Variants in MAP3K4 observed in about 807,000 individuals in gnomAD.
MAP3K4 encodes MAP three kinase 1.
MAP3K4 carries 67 observed loss-of-function variants against 185.6 expected under a neutral mutation model. The ratio of observed to expected loss-of-function variants is 0.36; its 90% confidence interval spans 0.30 to 0.44. The LOEUF is 0.44. MAP3K4 is among the 20% of genes least tolerant of loss of function. The probability of loss-of-function intolerance (pLI) is 1.00; values close to 1 mark genes in which losing one functional copy is unlikely to be tolerated. For missense variants in MAP3K4, 1,551 were observed against 1,995.1 expected (o/e 0.78, Z 4.24); for synonymous variants, 702 against 710.4 (o/e 0.99, Z 0.19).
chr6:161,070,936 T>C lies in MAP3K4; in HGVS notation c.1950+86T>C. On this transcript the variant is annotated intron_variant, in intron 4 of 26. Transcript: ENST00000392142. The surrounding 1 kb of genome is among the most constrained non-coding windows in gnomAD (Gnocchi z 4.5). The stretch of plus-strand genomic sequence containing the variant: ...ATTTTTATTTTGAGAGTTCCTTTTT[T>C]TTTCTTAATTGTCGCAAATAGTGAA... 1 of 1,260,196 alleles carries C rather than the reference T, an allele frequency of 7.9e-7. No individual in the cohort carries two copies. Among genetic ancestry groups the C allele is most frequent in the Non-Finnish European group, 1.1e-6 (1 of 940,242 alleles). 78.1% of individuals were successfully genotyped at this position (1,260,196 alleles called of 1,614,324 possible).
chr6:161,027,255 T>C (rs1782719407), intron 1 of MAP3K4, among the ~76,000 whole-genome samples: 1 of 152,226 alleles, frequency 6.6e-6, no homozygotes, highest in South Asian at 2.1e-4. Context: ...AACTATATAC[T>C]TAACAAGAGT....
At chr6:161,060,124 T>G (rs1356814755) in intron 3 of MAP3K4, among the ~76,000 whole-genome samples, 1 of 152,210 alleles carries the variant, frequency 6.6e-6, no homozygotes, top group Non-Finnish European at 1.5e-5. Flanking sequence ...CCTTAATACA[T>G]TAAGGGCTGA....
intron 1 of MAP3K4, among the ~76,000 whole-genome samples, chr6:161,018,988 G>A (rs1583116243): frequency 6.6e-6 from 1 of 152,196 alleles, no homozygotes; most frequent in East Asian, 1.9e-4. Flanking sequence ...TAGAAACTAT[G>A]CAAAATGCAA....
At position 161,069,997 on chromosome 6, in the gene MAP3K4, C is replaced by T. The variant is rs527872563; in HGVS notation, c.1708-611C>T. On this transcript the variant is annotated intron_variant, in intron 3 of 26. Coordinates refer to ENST00000392142, the MANE Select transcript of MAP3K4 (RefSeq NM_005922.4). ...AAAGAACGGGGGTGGGGGCGGACAA[C>T]GCAACACTAGGGTTCCCGGGAAGCA... Among the ~76,000 whole-genome samples, 3 of 152,216 alleles carry T rather than the reference C, an allele frequency of 2.0e-5. No homozygotes were observed. The South Asian group carries it at 6.2e-4, about 32-fold the overall frequency.
intron 1 of MAP3K4, among the ~76,000 whole-genome samples, chr6:161,019,532 G>A (rs1007379130): frequency 2.6e-5 from 4 of 152,210 alleles, no homozygotes; most frequent in East Asian, 3.9e-4. Flanking sequence ...TCAGTCTCCC[G>A]AGTAGCTGGA....
intron 15 of MAP3K4, among the ~76,000 whole-genome samples, chr6:161,094,428 A>G (rs895183296): frequency 6.6e-6 from 1 of 152,220 alleles, no homozygotes; most frequent in African/African-American, 2.4e-5. Context: ...TACAGTAACA[A>G]TGAATGATTA....
In MAP3K4 at chr6:161,070,061, T is replaced by G. The variant is rs1457509003; in HGVS notation, c.1708-547T>G. 1.3e-5 allele frequency among the ~76,000 whole-genome samples: 2 copies of G among 152,206 alleles called. No homozygotes were observed. The highest frequency in any genetic ancestry group is 4.8e-5 in the African/African-American group (2 of 41,448). On this transcript the variant is annotated intron_variant, in intron 3 of 26. Transcript: ENST00000392142. The surrounding 1 kb of genome is among the most constrained non-coding windows in gnomAD (Gnocchi z 4.5). Reference sequence around the variant, plus strand: ...AACTGAGTCATGCCAACCAGGTTGATCTTAACGATTTTTTAATTTTTCTGT... The same window carrying G: ...AACTGAGTCATGCCAACCAGGTTGAGCTTAACGATTTTTTAATTTTTCTGT...
intron 1 of MAP3K4, among the ~76,000 whole-genome samples, chr6:161,033,535 T>C (rs1241555154): frequency 1.5e-5 from 1 of 65,724 alleles, no homozygotes; most frequent in Non-Finnish European, 2.9e-5. Context: ...TTTTACATCA[T>C]CCTTCTCCCC....
chr6:160,994,581 G>A (rs1348798852), intron 1 of MAP3K4, among the ~76,000 whole-genome samples: 1 of 152,118 alleles, frequency 6.6e-6, no homozygotes, highest in Non-Finnish European at 1.5e-5. Context: ...TGTGAATTGC[G>A]AATTGCTGCT....
intron 1 of MAP3K4, among the ~76,000 whole-genome samples, chr6:160,994,826 G>A (rs1201714611): frequency 3.3e-5 from 5 of 151,982 alleles, no homozygotes; most frequent in African/African-American, 4.8e-5. Context: ...TCAGCCTCCC[G>A]GGTAGCTGGG....
chr6:161,113,621 G>T (rs1778450417), intron 25 of MAP3K4, among the ~76,000 whole-genome samples: 1 of 151,976 alleles, frequency 6.6e-6, no homozygotes, highest in South Asian at 2.1e-4. Flanking sequence ...GGACAGGGAG[G>T]GGGATATGGG....
Position 161,056,041 on chromosome 6 carries a change from T to C in MAP3K4, c.1707+6062T>C, listed in dbSNP as rs186325393. 2.2e-4 allele frequency among the ~76,000 whole-genome samples: 33 copies of C among 152,364 alleles called. No homozygotes were observed. Among genetic ancestry groups the C allele is most frequent in the South Asian group, 6.2e-4 (3 of 4,826 alleles). On this transcript the variant is annotated intron_variant, in intron 3 of 26. Coordinates refer to ENST00000392142, the MANE Select transcript of MAP3K4 (RefSeq NM_005922.4). The surrounding 1 kb of genome is among the most constrained non-coding windows in gnomAD (Gnocchi z 5.4). ...TGTTTGCTGTTGTTTTTACTTTGAA[T>C]TATAATCCAGTACCATTGTTACTGA... is the stretch of plus-strand genomic sequence containing the variant.
At position 161,049,655 on chromosome 6, in the gene MAP3K4, T is replaced by G; in HGVS notation, c.1383T>G (p.Ser461Arg). 6.2e-7 allele frequency: 1 copy of G among 1,613,706 alleles called. No homozygotes were observed. Among genetic ancestry groups the G allele is most frequent in the South Asian group, 1.1e-5 (1 of 91,058 alleles). Reference sequence around the variant, plus strand: ...AGTTGGAAAGTAGTACGGATGAGAGTGAAGAAGAACAAATCTCTGATCCTA... The same window carrying G: ...AGTTGGAAAGTAGTACGGATGAGAGGGAAGAAGAACAAATCTCTGATCCTA... ...LKELESSTDE[S>R]EEEQISDPRV... The change falls in exon 3 of 27, where the codon AGT becomes AGG. Residue 461 changes from serine to arginine, a missense_variant. Transcript: ENST00000392142. The surrounding 1 kb of genome is among the most constrained non-coding windows in gnomAD (Gnocchi z 8.4).
At chr6:161,032,550 T>G (rs1782979734) in intron 1 of MAP3K4, among the ~76,000 whole-genome samples, 1 of 152,198 alleles carries the variant, frequency 6.6e-6, no homozygotes, top group Non-Finnish European at 1.5e-5. Flanking sequence ...AGCTAGGATT[T>G]AAACGTGGGT....
intron 1 of MAP3K4, among the ~76,000 whole-genome samples, chr6:161,006,594 G>A (rs778177413): frequency 6.6e-6 from 1 of 152,094 alleles, no homozygotes; most frequent in African/African-American, 2.4e-5. Flanking sequence ...TCAATCCCTC[G>A]TAGATACTGA....
At chr6:161,081,558 C>T (rs1785458625) in intron 6 of MAP3K4, among the ~76,000 whole-genome samples, 1 of 152,156 alleles carries the variant, frequency 6.6e-6, no homozygotes, top group Non-Finnish European at 1.5e-5. Flanking sequence ...TCATCACAGA[C>T]TCTCTTTATG....
chr6:161,106,375 C>T lies in MAP3K4; in HGVS notation c.3857-139C>T. The T allele has an allele frequency of 3.5e-6, 2 of 573,360 alleles. No homozygotes were observed. Among genetic ancestry groups the T allele is most frequent in the Non-Finnish European group, 6.1e-6 (2 of 329,858 alleles). 35.5% of individuals were successfully genotyped at this position (573,360 alleles called of 1,614,324 possible). A position where few individuals can be genotyped will look rare whatever the true frequency, so the allele number is the denominator to read the frequency against. ...TAGCGTTTGAAGAACTTTAATTCAC[C>T]TGCTGTTTATCTGAATAGATAATAA... On this transcript the variant is annotated intron_variant, in intron 19 of 26. Coordinates refer to ENST00000392142, the MANE Select transcript of MAP3K4 (RefSeq NM_005922.4). The surrounding 1 kb of genome is among the most constrained non-coding windows in gnomAD (Gnocchi z 4.9).
At chr6:160,993,075 G>C (rs1000932568) in intron 1 of MAP3K4, among the ~76,000 whole-genome samples, 5 of 152,098 alleles carry the variant, frequency 3.3e-5, no homozygotes, top group African/African-American at 1.2e-4. Context: ...ATTCACACCT[G>C]TAACTGTAGT....
chr6:161,089,461 A>G lies in MAP3K4; in HGVS notation c.2963A>G (p.Gln988Arg), dbSNP rs1038780439. The change falls in exon 11 of 27, where the codon CAG (glutamine) becomes CGG (arginine). Residue 988 changes from glutamine (Q) to arginine (R), a missense_variant. By Grantham distance (43) the Gln-to-Arg change is conservative. This residue lies in a region of MAP3K4 where 261 missense variants were observed against 306.5 expected (regional missense o/e 0.85). Transcript: ENST00000392142. The stretch of plus-strand genomic sequence containing the variant: ...CAGCCGGTCATCGCCAAAGCTTTGC[A>G]GCAGCTGAAGGTATTACACTGTCCT... ...SSQPVIAKALQQLKNDALELC... is the reference protein window; with the variant it reads ...SSQPVIAKALRQLKNDALELC... The G allele has an allele frequency of 3.1e-6, 5 of 1,614,072 alleles. No individual in the cohort carries two copies. The African/African-American group carries it at 6.7e-5, about 22-fold the overall frequency.
Sources: allele counts gnomAD v4.1 joint callset (sites outside exome capture counted in the v4.1 genomes callset), GRCh38; gene constraint gnomAD v4.1.1; regional missense constraint gnomAD v4.1.1; non-coding constraint Gnocchi (gnomAD v3.1); transcripts MANE v1.5; gene names NCBI Gene and HGNC (gene_info 2026-07-23, HGNC 2026-07-21).